Variants in DLC1 observed in about 807,000 individuals in gnomAD.
The protein encoded by DLC1 is rho GTPase-activating protein 7.
DLC1 carries 54 observed loss-of-function variants against 140.3 expected under a neutral mutation model. The observed-to-expected ratio is 0.38, with a 90% CI of 0.31 to 0.48. The LOEUF is 0.48. Among genes scored for constraint, DLC1 ranks in the 20% least tolerant of loss-of-function variants. DLC1 has a pLI of 0.96. For missense variants in DLC1, 2,536 were observed against 1,907.0 expected, an observed-to-expected ratio of 1.33 and a Z score of -6.14; for synonymous variants, 986 against 728.1, an observed-to-expected ratio of 1.35 and a Z score of -5.70.
chr8:13,184,717 T>C (rs1826245244), intron 5 of DLC1, among the ~76,000 whole-genome samples: 1 of 152,080 alleles, frequency 6.6e-6, no homozygotes. Flanking sequence ...TTTACTTCCA[T>C]TTATGTGGTC....
chr8:13,598,372 G>GCA (rs1805751523), intron 1 of DLC1, among the ~76,000 whole-genome samples: 1 of 151,392 alleles, frequency 6.6e-6, no homozygotes. Flanking sequence ...CTGTCTCTGT[G>GCA]GGGACCACTT....
chr8:13,267,727 GGAGTGTGT>G (rs1409562401), intron 5 of DLC1, among the ~76,000 whole-genome samples: 1 of 116,394 alleles, frequency 8.6e-6, no homozygotes, highest in Non-Finnish European at 1.7e-5. Context: ...TGATTCCTGA[GGAGTGTGT>G]GTGTGTGTGT....
chr8:13,425,956 G>C (rs1838555373), intron 2 of DLC1, among the ~76,000 whole-genome samples: 1 of 152,042 alleles, frequency 6.6e-6, no homozygotes, highest in African/African-American at 2.4e-5. Context: ...GGTACCACAG[G>C]CATGCACCAC....
chr8:13,243,927 T>A (rs1005532586), intron 5 of DLC1, among the ~76,000 whole-genome samples: 1 of 152,154 alleles, frequency 6.6e-6, no homozygotes, highest in Non-Finnish European at 1.5e-5. Context: ...TGTCCTGGGG[T>A]TGTGTATCTG....
chr8:13,142,973 C>G (rs966199310), intron 5 of DLC1, among the ~76,000 whole-genome samples: 23 of 151,652 alleles, frequency 1.5e-4, no homozygotes, highest in African/African-American at 4.4e-4. Context: ...CACTTGAACA[C>G]CAGAGGTTGC....
chr8:13,509,774 T>G (rs531188407), intron 1 of DLC1, among the ~76,000 whole-genome samples: 1 of 152,242 alleles, frequency 6.6e-6, no homozygotes, highest in African/African-American at 2.4e-5. Flanking sequence ...AGGAATTGTC[T>G]CCCATTTTTG....
chr8:13,603,594 G>T (rs111878753), intron 1 of DLC1, among the ~76,000 whole-genome samples: 2 of 151,818 alleles, frequency 1.3e-5, no homozygotes, highest in East Asian at 3.9e-4. Context: ...AAATGTCTTC[G>T]CTCTCTACAT....
chr8:13,211,464 C>G (rs926288846), intron 5 of DLC1, among the ~76,000 whole-genome samples: 2 of 152,198 alleles, frequency 1.3e-5, no homozygotes, highest in African/African-American at 4.8e-5. Flanking sequence ...CTCACACTTG[C>G]ATTCTCTCCT....
intron 2 of DLC1, among the ~76,000 whole-genome samples, chr8:13,444,106 G>C (rs558580624): frequency 8.4e-6 from 1 of 118,616 alleles, no homozygotes; most frequent in Non-Finnish European, 1.9e-5. Flanking sequence ...AGAATTCCTG[G>C]TTTGTTTTTT....
At chr8:13,332,049 T>C (rs879361095) in intron 4 of DLC1, among the ~76,000 whole-genome samples, 8 of 152,188 alleles carry the variant, frequency 5.3e-5, no homozygotes, top group Non-Finnish European at 1.0e-4. Flanking sequence ...AACTGATAAA[T>C]TAGCTTCAGC....
intron 1 of DLC1, among the ~76,000 whole-genome samples, chr8:13,579,032 T>A (rs921361755): frequency 6.6e-6 from 1 of 151,424 alleles, no homozygotes; most frequent in Non-Finnish European, 1.5e-5. Context: ...CCACAAGCAA[T>A]CACTGCACTA....
rs541885870 is a variant in DLC1, at chr8:13,258,907, G to C, written c.1348+46362C>G. Among the ~76,000 whole-genome samples, 19 of 152,204 alleles carry C rather than the reference G, an allele frequency of 1.2e-4. 1 individual carries two copies. The South Asian group carries it at 3.9e-3, about 32-fold the overall frequency. On this transcript the variant is annotated intron_variant, in intron 5 of 17. Transcript: ENST00000276297. Reference sequence around the variant, plus strand: ...AATCCCAGCACTTTGGGAGGCCGAGGCGGGTGGATCACGAGGTCAGGAGAT... The same window carrying C: ...AATCCCAGCACTTTGGGAGGCCGAGCCGGGTGGATCACGAGGTCAGGAGAT...
chr8:13,325,304 C>A, intron 4 of DLC1, among the ~76,000 whole-genome samples: 1 of 152,168 alleles, frequency 6.6e-6, no homozygotes. Context: ...CTTGAGGAAA[C>A]TGTTCGATTA....
intron 5 of DLC1, among the ~76,000 whole-genome samples, chr8:13,203,393 G>A (rs1328526367): frequency 6.6e-6 from 1 of 152,196 alleles, no homozygotes; most frequent in Non-Finnish European, 1.5e-5. Context: ...AGGGAAATAA[G>A]ACGTAACAGG....
chr8:13,089,023 C>G (rs971192454), intron 15 of DLC1, among the ~76,000 whole-genome samples: 2 of 152,020 alleles, frequency 1.3e-5, no homozygotes, highest in Non-Finnish European at 2.9e-5. Context: ...CTTTGGGAAG[C>G]CGAGGCGGGT....
chr8:13,409,582 A>G (rs184391168), intron 2 of DLC1, among the ~76,000 whole-genome samples: 252 of 152,260 alleles, frequency 1.7e-3, no homozygotes, highest in African/African-American at 5.6e-3. Flanking sequence ...GTAACTGGGT[A>G]TTTTATGTCT....
intron 1 of DLC1, among the ~76,000 whole-genome samples, chr8:13,552,830 C>G (rs1014585994): frequency 6.6e-6 from 1 of 151,698 alleles, no homozygotes; most frequent in African/African-American, 2.4e-5. Context: ...AGTACAAAGT[C>G]TAAGTGAAAG....
intron 1 of DLC1, among the ~76,000 whole-genome samples, chr8:13,508,448 C>T (rs988591501): frequency 1.4e-5 from 2 of 144,872 alleles, no homozygotes; most frequent in Admixed American, 7.0e-5. Flanking sequence ...GACGGAGTCT[C>T]GCTCTGTCGC....
upstream of DLC1, among the ~76,000 whole-genome samples, chr8:13,517,094 G>T (rs530871920): frequency 1.3e-5 from 2 of 152,250 alleles, 1 homozygote; most frequent in South Asian, 4.1e-4. Context: ...AGAAATATTT[G>T]TGTATTTATG....
Sources: allele counts gnomAD v4.1 joint callset (sites outside exome capture counted in the v4.1 genomes callset), GRCh38; gene constraint gnomAD v4.1.1; transcripts MANE v1.5; gene names NCBI Gene and HGNC (gene_info 2026-07-23, HGNC 2026-07-21).